RBIS: variants seen among roughly 807,000 people sequenced by gnomAD.
RBIS encodes the protein ribosomal biogenesis factor, also known as ribosome biogenesis factor identified in screen.
RBIS carries 9 observed loss-of-function variants against 9.8 expected under a neutral mutation model. The observed-to-expected ratio is 0.92, with a 90% CI of 0.56 to 1.61. The LOEUF (loss-of-function observed/expected upper bound fraction) is 1.61. Among genes scored for constraint, RBIS ranks in the 40% most tolerant of loss-of-function variants. RBIS has a pLI of 0.00. For missense variants in RBIS, 103 were observed against 116.0 expected, an observed-to-expected ratio of 0.89 and a Z score of 0.51; for synonymous variants, 35 against 37.9, an observed-to-expected ratio of 0.92 and a Z score of 0.28.
chr8:85,215,892 G>A (rs1438369617), intron 2 of RBIS: 1 of 152,240 alleles, frequency 6.6e-6, no homozygotes, highest in Non-Finnish European at 1.5e-5. Flanking sequence ...GTCACTGGAA[G>A]TTGGGGAGAG....
chr8:85,214,352 G>A lies in RBIS; in HGVS notation c.*208C>T. ...AACTGTTTCAGTGAACAGATTTTGT[G>A]AAGTGCCTTCTGTTTTAGCACTTTA... On this transcript the variant is annotated 3_prime_UTR_variant, in exon 4 of 4. Transcript: ENST00000619594. 2 of 599,560 alleles carry A rather than the reference G, an allele frequency of 3.3e-6. No individual in the cohort carries two copies. Among genetic ancestry groups the A allele is most frequent in the Non-Finnish European group, 5.9e-6 (2 of 338,084 alleles). 37.1% of individuals were successfully genotyped at this position (599,560 alleles called of 1,614,324 possible).
Position 85,220,338 on chromosome 8 carries a change from G to C in RBIS, c.-36C>G, listed in dbSNP as rs1311914013. The C allele has an allele frequency of 1.3e-5, 2 of 152,230 alleles. No homozygotes were observed. The highest frequency in any genetic ancestry group is 2.9e-5 in the Non-Finnish European group (2 of 68,048). The allele number at this position is 152,230 out of a possible 1,614,324, so 9.4% of individuals were successfully genotyped here. A position where few individuals can be genotyped will look rare whatever the true frequency, so the allele number is the denominator to read the frequency against. ...TTAACACTTGCGTGCAGCTTTTTAA[G>C]CTCCAGGTAACACCATCTGGCACGT... is the stretch of plus-strand genomic sequence containing the variant. On this transcript the variant is annotated 5_prime_UTR_variant, in exon 1 of 4. Transcript: ENST00000619594.
At chr8:85,219,542 G>A (rs1385790808) in intron 1 of RBIS, among the ~76,000 whole-genome samples, 4 of 152,066 alleles carry the variant, frequency 2.6e-5, no homozygotes, top group Non-Finnish European at 5.9e-5. Context: ...TTGAGGCCAG[G>A]AGTTCGAGAC....
At chr8:85,220,078 C>T (rs981133273) in intron 1 of RBIS, among the ~76,000 whole-genome samples, 6 of 152,064 alleles carry the variant, frequency 3.9e-5, no homozygotes, top group Non-Finnish European at 7.4e-5. Context: ...CTGAAAACCA[C>T]GTAGAAACTG....
chr8:85,217,345 GC>G (rs765392616), intron 2 of RBIS, 40 bp downstream of exon 2: 3 of 1,129,494 alleles, frequency 2.7e-6, no homozygotes, highest in African/African-American at 3.0e-5. Context: ...ATGACACTTT[GC>G]TTGTAAACAA....
intron 1 of RBIS, among the ~76,000 whole-genome samples, chr8:85,219,736 AAAAT>A (rs558901228): frequency 4.7e-4 from 71 of 152,322 alleles, no homozygotes; most frequent in Middle Eastern, 3.4e-3. Flanking sequence ...CTCAGTCTCA[AAAAT>A]AAATAAATAA....
chr8:85,218,626 G>A (rs149978339), intron 1 of RBIS: 1,672 of 152,254 alleles, frequency 0.011, 22 homozygotes, highest in Admixed American at 0.019. Context: ...TTTGGGAGGC[G>A]AAGGCAGAGA....
chr8:85,219,506 T>G (rs924682287), intron 1 of RBIS: 1 of 152,180 alleles, frequency 6.6e-6, no homozygotes, highest in Non-Finnish European at 1.5e-5. Context: ...TCCCAGCACT[T>G]TGGGAGGCCG....
chr8:85,214,649 T>A lies in RBIS; in HGVS notation c.232-18A>T. 6.8e-7 allele frequency: 1 copy of A among 1,463,252 alleles called. No individual in the cohort carries two copies. Among genetic ancestry groups the A allele is most frequent in the Non-Finnish European group, 9.6e-7 (1 of 1,045,130 alleles). 90.6% of individuals were successfully genotyped at this position (1,463,252 alleles called of 1,614,324 possible). A position where few individuals can be genotyped will look rare whatever the true frequency, so the allele number is the denominator to read the frequency against. On this transcript the variant is annotated intron_variant, in intron 3 of 3. Transcript: ENST00000619594. ...TGAGGAATCTGAAAGGAGAAAGTATTATATTTAAAAACACAGACAACAATA... is the reference window on the plus strand; with the variant it reads ...TGAGGAATCTGAAAGGAGAAAGTATAATATTTAAAAACACAGACAACAATA...
intron 2 of RBIS, 149 bp downstream of exon 2, chr8:85,217,236 TA>T (rs1563988060): frequency 1.2e-5 from 8 of 670,452 alleles, no homozygotes; most frequent in South Asian, 3.3e-5. Flanking sequence ...TTTTTTTTTA[TA>T]TTTTTTTAGA....
At chr8:85,217,695 C>G (rs1813206727) in intron 1 of RBIS, 193 bp from the exon 2 acceptor site, 1 of 578,250 alleles carries the variant, frequency 1.7e-6, no homozygotes, top group Non-Finnish European at 3.0e-6. Context: ...GAGTATGTAT[C>G]TAATTCTTCC....
Position 85,214,141 on chromosome 8 carries a change from T to G in RBIS, c.*419A>C, listed in dbSNP as rs1489106177. 8 of 545,108 alleles carry G rather than the reference T, an allele frequency of 1.5e-5. No individual in the cohort carries two copies. The highest frequency in any genetic ancestry group is 2.8e-5 in the Non-Finnish European group (8 of 287,882). The allele number at this position is 545,108 out of a possible 1,614,324, so 33.8% of individuals were successfully genotyped here. A position where few individuals can be genotyped will look rare whatever the true frequency, so the allele number is the denominator to read the frequency against. ...AACTTTTCTTCTAATTGTGAATCCT[T>G]CTGTTTTTTCTTCTTAAGGAGGAAA... On this transcript the variant is annotated 3_prime_UTR_variant, in exon 4 of 4. Transcript: ENST00000619594.
intron 1 of RBIS, chr8:85,219,149 C>G (rs1813264660): frequency 6.6e-6 from 1 of 152,246 alleles, no homozygotes; most frequent in Admixed American, 6.5e-5. Flanking sequence ...ACACATATCT[C>G]CTGTTACGTC....
Position 85,214,301 on chromosome 8 carries a change from A to C in RBIS, c.*259T>G, listed in dbSNP as rs1307473167. On this transcript the variant is annotated 3_prime_UTR_variant, in exon 4 of 4. Transcript: ENST00000619594. ...AACAGACGTTCACTGCCACTTGTAA[A>C]GTGAAGGATGTAAACGAGGATATAT... The C allele has an allele frequency of 1.5e-5, 9 of 584,630 alleles. No individual in the cohort carries two copies. The highest frequency in any genetic ancestry group is 2.8e-5 in the Non-Finnish European group (9 of 322,258). 36.2% of individuals were successfully genotyped at this position (584,630 alleles called of 1,614,324 possible). A position where few individuals can be genotyped will look rare whatever the true frequency, so the allele number is the denominator to read the frequency against.
chr8:85,219,037 C>G (rs1467974503), intron 1 of RBIS: 2 of 152,198 alleles, frequency 1.3e-5, no homozygotes, highest in Non-Finnish European at 2.9e-5. Flanking sequence ...TGCGATCGAC[C>G]TTCCCAATGT....
chr8:85,219,265 T>C (rs1261375309), intron 1 of RBIS: 1 of 152,234 alleles, frequency 6.6e-6, no homozygotes. Flanking sequence ...TGACTGAAAT[T>C]TATATCTTCC....
rs1813077220 is a variant in RBIS at position 85,214,944 on chromosome 8, G to C, written c.208C>G (p.Leu70Val). ...ELAHFAKSIS[L>V]EPLQKELIPQ... ...ACCAGTTCTTTCTGCAGAGGTTCAA[G>C]TGAAATGCTTTTTGCGAAATGTGCA... The change falls in exon 3 of 4, where the codon CTT becomes GTT. Residue 70 changes from leucine (L) to valine (V), a missense_variant. Coordinates refer to ENST00000619594, the MANE Select transcript of RBIS (RefSeq NM_001099673.3). 6.3e-7 allele frequency: 1 copy of C among 1,584,766 alleles called. No homozygotes were observed. Among genetic ancestry groups the C allele is most frequent in the Admixed American group, 1.7e-5 (1 of 57,676 alleles).
At chr8:85,217,225 C>G (rs563435584) in intron 2 of RBIS, 161 bp downstream of exon 2, 1 of 652,464 alleles carries the variant, frequency 1.5e-6, no homozygotes, top group South Asian at 1.7e-5. Context: ...ATTTTTCTTC[C>G]TTTTTTTTTA....
chr8:85,214,220 GTCT>G lies in RBIS; in HGVS notation c.*337_*339del, dbSNP rs1260507023. The G allele has an allele frequency of 5.5e-6, 3 of 541,116 alleles. No individual in the cohort carries two copies. The African/African-American group carries it at 5.6e-5, about 10-fold the overall frequency. 33.5% of individuals were successfully genotyped at this position (541,116 alleles called of 1,614,324 possible). On this transcript the variant is annotated 3_prime_UTR_variant, in exon 4 of 4. Coordinates refer to ENST00000619594, the MANE Select transcript of RBIS (RefSeq NM_001099673.3). ...CAAGTTGGCCAAGGACTCATTACTT[GTCT>G]TATATTTTTACTGCCACTAAACTGC...
Sources: allele counts gnomAD v4.1 joint callset (sites outside exome capture counted in the v4.1 genomes callset), GRCh38; gene constraint gnomAD v4.1.1; transcripts MANE v1.5; gene names NCBI Gene and HGNC (gene_info 2026-07-23, HGNC 2026-07-21).